OR2L13: variants seen among roughly 807,000 people sequenced by gnomAD.
OR2L13 encodes the protein olfactory receptor family 2 subfamily L member 13.
OR2L13 carries 14 observed loss-of-function variants against 15.3 expected under a neutral mutation model. The ratio of observed to expected loss-of-function variants is 0.91; its 90% confidence interval spans 0.60 to 1.43. The LOEUF is 1.43. OR2L13 is among the 40% of genes most tolerant of loss of function. The pLI, the probability that OR2L13 is intolerant of heterozygous loss-of-function variation, is 0.00. For missense variants in OR2L13, 367 were observed against 387.9 expected (o/e 0.95, Z 0.45); for synonymous variants, 152 against 142.9 (o/e 1.06, Z -0.45).
chr1:247,997,894 C>G, the OR2L13 span, among the ~76,000 whole-genome samples: 1 of 152,044 alleles, frequency 6.6e-6, no homozygotes, highest in Non-Finnish European at 1.5e-5. Flanking sequence ...GGACTGGATT[C>G]ATGATTGCTA....
At chr1:247,965,639 A>G in the OR2L13 span, 1 of 1,544,560 alleles carries the variant, frequency 6.5e-7, no homozygotes, top group Non-Finnish European at 8.7e-7. Flanking sequence ...TTCCTCTCAC[A>G]GAGTAAGACC....
chr1:247,990,851 A>G, the OR2L13 span: 2 of 1,558,454 alleles, frequency 1.3e-6, no homozygotes, highest in Non-Finnish European at 1.8e-6. Context: ...TGGGTCTATG[A>G]GTGCACGGTG....
At chr1:248,057,321 G>A in the OR2L13 span, among the ~76,000 whole-genome samples, 1 of 152,164 alleles carries the variant, frequency 6.6e-6, no homozygotes, top group Admixed American at 6.5e-5. Context: ...GGATGCTCCT[G>A]TATTGGGTTC....
chr1:248,071,396 T>C, the OR2L13 span, among the ~76,000 whole-genome samples: 46 of 152,284 alleles, frequency 3.0e-4, no homozygotes, highest in African/African-American at 1.1e-3. Flanking sequence ...TCTCAATAGA[T>C]GCAGAAAAGG....
chr1:248,018,807 C>T, the OR2L13 span, among the ~76,000 whole-genome samples: 19 of 152,298 alleles, frequency 1.2e-4, no homozygotes, highest in Admixed American at 2.6e-4. Context: ...TTCTCCTTGT[C>T]TCCCTTCCCC....
At chr1:247,968,859 C>T in the OR2L13 span, among the ~76,000 whole-genome samples, 3 of 152,048 alleles carry the variant, frequency 2.0e-5, no homozygotes, top group Non-Finnish European at 4.4e-5. Flanking sequence ...GGTATATACC[C>T]AGTAATGGGA....
chr1:248,060,735 A>G, the OR2L13 span: 9 of 1,613,966 alleles, frequency 5.6e-6, no homozygotes, highest in African/African-American at 1.3e-5. Flanking sequence ...GATTCTTCCC[A>G]CCATCAAGAA....
the OR2L13 span, among the ~76,000 whole-genome samples, chr1:247,947,471 G>T: frequency 3.9e-5 from 6 of 152,158 alleles, no homozygotes; most frequent in African/African-American, 1.2e-4. Context: ...GTTTACTGAT[G>T]TCTTACATCT....
At chr1:248,066,423 CT>C in the OR2L13 span, among the ~76,000 whole-genome samples, 26 of 151,560 alleles carry the variant, frequency 1.7e-4, no homozygotes, top group Middle Eastern at 3.4e-3. Context: ...CCACTACTAA[CT>C]TTTTTTTTAC....
chr1:248,069,265 C>G, the OR2L13 span, among the ~76,000 whole-genome samples: 1 of 152,194 alleles, frequency 6.6e-6, no homozygotes, highest in African/African-American at 2.4e-5. Context: ...ATCAGCCTAA[C>G]AGTGGATCTC....
At chr1:247,951,217 C>T in the OR2L13 span, among the ~76,000 whole-genome samples, 1 of 152,090 alleles carries the variant, frequency 6.6e-6, no homozygotes, top group Non-Finnish European at 1.5e-5. Flanking sequence ...AAGTTTGCTA[C>T]TGTTATGCTT....
the OR2L13 span, among the ~76,000 whole-genome samples, chr1:248,053,516 T>G: frequency 0.85 from 129,053 of 152,196 alleles, 56,363 homozygotes; most frequent in South Asian, 0.95. Context: ...TCTAAGTCTT[T>G]GAGGAATTGC....
chr1:248,017,207 A>G, the OR2L13 span, among the ~76,000 whole-genome samples: 4 of 152,214 alleles, frequency 2.6e-5, no homozygotes, highest in Admixed American at 1.3e-4. Flanking sequence ...ATGGGCTTAA[A>G]ATATTTACAG....
At chr1:248,084,413 C>CA in the OR2L13 span, 2 of 1,611,024 alleles carry the variant, frequency 1.2e-6, no homozygotes, top group Non-Finnish European at 1.7e-6. Flanking sequence ...AGAGTTGGCT[C>CA]AGGAGGAAGT....
chr1:248,000,924 T>C, the OR2L13 span, among the ~76,000 whole-genome samples: 1 of 152,100 alleles, frequency 6.6e-6, no homozygotes, highest in East Asian at 1.9e-4. Context: ...TTTGACTTAA[T>C]AAATTTAATT....
the OR2L13 span, among the ~76,000 whole-genome samples, chr1:248,059,895 C>T: frequency 6.6e-6 from 1 of 152,010 alleles, no homozygotes. Flanking sequence ...AGAAAGTTAA[C>T]TAGGTATGGT....
the OR2L13 span, chr1:248,021,929 A>G: frequency 6.3e-7 from 1 of 1,590,948 alleles, no homozygotes; most frequent in Non-Finnish European, 8.6e-7. Context: ...CCCTTCAGGA[A>G]GGATCGTATG....
the OR2L13 span, among the ~76,000 whole-genome samples, chr1:248,024,953 G>T: frequency 6.6e-6 from 1 of 152,134 alleles, no homozygotes; most frequent in Admixed American, 6.6e-5. Flanking sequence ...GAAAGTCATT[G>T]GTAGCTTGAT....
At chr1:247,948,727 G>A in the OR2L13 span, 1 of 678,004 alleles carries the variant, frequency 1.5e-6, no homozygotes, top group Non-Finnish European at 2.6e-6. Context: ...AGTGTATTTA[G>A]GGTTCAGTAT....
Sources: allele counts gnomAD v4.1 joint callset (sites outside exome capture counted in the v4.1 genomes callset), GRCh38; gene constraint gnomAD v4.1.1; transcripts MANE v1.5; gene names NCBI Gene and HGNC (gene_info 2026-07-23, HGNC 2026-07-21).